Variants in CNBD1 observed in about 807,000 individuals in gnomAD.
CNBD1 encodes cyclic nucleotide-binding domain-containing protein 1.
In CNBD1, 71 loss-of-function variants were observed where a neutral mutation model predicts 54.4. That is an observed-to-expected ratio of 1.30 (90% CI 1.08 to 1.59). CNBD1 has a LOEUF of 1.59. CNBD1 is among the 40% of genes most tolerant of loss of function. CNBD1 has a pLI of 0.00. For missense variants in CNBD1, 659 were observed against 518.0 expected, an observed-to-expected ratio of 1.27 and a Z score of -2.64; for synonymous variants, 182 against 170.7, an observed-to-expected ratio of 1.07 and a Z score of -0.51.
In CNBD1 at chr8:87,050,556, G is replaced by T. The variant is rs183094296; in HGVS notation, c.431+110802G>T. Among the ~76,000 whole-genome samples the T allele has an allele frequency of 3.2e-3, 488 of 152,324 alleles. 1 individual carries two copies. The highest frequency in any genetic ancestry group is 4.6e-3 in the Admixed American group (71 of 15,304). On this transcript the variant is annotated intron_variant, in intron 4 of 10. Coordinates refer to ENST00000518476, the MANE Select transcript of CNBD1 (RefSeq NM_173538.3). ...AGAATCCTTGAGGCAGCACTGTCCA[G>T]GTTAGTTGGGCAGTCTGGCCAGAGG...
Position 87,206,680 on chromosome 8 carries a change from C to A in CNBD1, c.577+542C>A, listed in dbSNP as rs74622981. On this transcript the variant is annotated intron_variant, in intron 5 of 10. Coordinates refer to ENST00000518476, the MANE Select transcript of CNBD1 (RefSeq NM_173538.3). ...ATTTCCCAATTTTAGCTTTTGGTCC[C>A]TTCATGAAGGATTTAGTGGATATAT... is the stretch of plus-strand genomic sequence containing the variant. 5.1e-3 allele frequency among the ~76,000 whole-genome samples: 774 copies of A among 152,192 alleles called. 5 individuals are homozygous for A. Among genetic ancestry groups the A allele is most frequent in the African/African-American group, 0.017 (706 of 41,544 alleles).
At chr8:86,956,957 G>T (rs548011698) in intron 4 of CNBD1, among the ~76,000 whole-genome samples, 18 of 152,272 alleles carry the variant, frequency 1.2e-4, no homozygotes, top group Admixed American at 9.2e-4. Context: ...TATGATATTG[G>T]CTGTGGGTCT....
At chr8:87,021,990 G>A (rs1248851744) in intron 4 of CNBD1, among the ~76,000 whole-genome samples, 2 of 152,144 alleles carry the variant, frequency 1.3e-5, no homozygotes, top group African/African-American at 4.8e-5. Flanking sequence ...AGAAATGACA[G>A]TAACAGATAG....
intron 4 of CNBD1, among the ~76,000 whole-genome samples, chr8:87,013,608 T>G (rs1339037579): frequency 1.3e-5 from 2 of 151,848 alleles, no homozygotes; most frequent in African/African-American, 4.8e-5. Flanking sequence ...ACAGTTTTTT[T>G]TTCTTTGTTT....
intron 2 of CNBD1, among the ~76,000 whole-genome samples, chr8:87,420,731 A>T (rs1487374888): frequency 6.6e-6 from 1 of 151,200 alleles, no homozygotes; most frequent in African/African-American, 2.4e-5. Flanking sequence ...TGTTTTACCT[A>T]CATGTTACTT....
At chr8:87,412,748 C>T (rs537081212) in intron 2 of CNBD1, among the ~76,000 whole-genome samples, 191 of 151,958 alleles carry the variant, frequency 1.3e-3, no homozygotes, top group Non-Finnish European at 2.2e-3. Context: ...TGTACTTTTC[C>T]GAAGAAGATT....
At chr8:87,026,584 A>T (rs1563439887) in intron 4 of CNBD1, among the ~76,000 whole-genome samples, 1 of 152,158 alleles carries the variant, frequency 6.6e-6, no homozygotes, top group Non-Finnish European at 1.5e-5. Context: ...TTTTTAAAAA[A>T]TAACTAGTCA....
At chr8:86,935,017 G>A (rs4535752) in intron 3 of CNBD1, among the ~76,000 whole-genome samples, 18,176 of 65,634 alleles carry the variant, frequency 0.28, 2,371 homozygotes, top group African/African-American at 0.48. Flanking sequence ...TTGTTTGTTT[G>A]TTTATTTATT....
chr8:87,273,252 G>A (rs7826063), intron 6 of CNBD1, among the ~76,000 whole-genome samples: 42,706 of 151,636 alleles, frequency 0.28, 6,462 homozygotes, highest in African/African-American at 0.39. Flanking sequence ...ATATCTGGTT[G>A]AATTAAATAT....
At chr8:87,421,427 C>T (rs1261467438) in intron 2 of CNBD1, among the ~76,000 whole-genome samples, 1 of 115,966 alleles carries the variant, frequency 8.6e-6, no homozygotes, top group Non-Finnish European at 1.8e-5. Flanking sequence ...CTCCCCCCCT[C>T]CCCCCACCCC....
At chr8:87,022,020 A>G (rs1328816726) in intron 4 of CNBD1, among the ~76,000 whole-genome samples, 2 of 152,226 alleles carry the variant, frequency 1.3e-5, no homozygotes, top group Non-Finnish European at 2.9e-5. Flanking sequence ...TTGTGCATGT[A>G]AATAGCATAC....
chr8:87,001,516 G>T (rs1586190784), intron 4 of CNBD1, among the ~76,000 whole-genome samples: 1 of 152,034 alleles, frequency 6.6e-6, no homozygotes, highest in Non-Finnish European at 1.5e-5. Context: ...GTGACTTTTT[G>T]GTCTTTTTAC....
At chr8:87,406,943 G>A (rs1284684810) in intron 2 of CNBD1, among the ~76,000 whole-genome samples, 2 of 152,038 alleles carry the variant, frequency 1.3e-5, no homozygotes, top group African/African-American at 4.8e-5. Flanking sequence ...AATTTACTCT[G>A]GAGGAAGTTA....
rs543900718 is a variant in CNBD1 at position 87,002,239 on chromosome 8, G to A, written c.431+62485G>A. Among the ~76,000 whole-genome samples, 4 of 152,204 alleles carry A rather than the reference G, an allele frequency of 2.6e-5. No individual in the cohort carries two copies. The East Asian group carries it at 7.8e-4, about 30-fold the overall frequency. On this transcript the variant is annotated intron_variant, in intron 4 of 10. Coordinates refer to ENST00000518476, the MANE Select transcript of CNBD1 (RefSeq NM_173538.3). ...ACCTCCACTGACAAAAATTTGGGCA[G>A]GGTCACCAGCATCTCTCTCATACTT...
intron 5 of CNBD1, among the ~76,000 whole-genome samples, chr8:87,219,353 T>A (rs543866982): frequency 1.4e-4 from 21 of 152,136 alleles, no homozygotes; most frequent in Middle Eastern, 6.8e-3. Flanking sequence ...CAGACTCTCA[T>A]CAGCACATAG....
intron 6 of CNBD1, among the ~76,000 whole-genome samples, chr8:87,268,420 C>T (rs934036418): frequency 2.6e-5 from 4 of 151,964 alleles, no homozygotes; most frequent in African/African-American, 9.7e-5. Context: ...CATATGAGTA[C>T]ATGTGTCTTT....
At chr8:87,392,615 C>A (rs1811330292) in intron 2 of CNBD1, among the ~76,000 whole-genome samples, 1 of 151,910 alleles carries the variant, frequency 6.6e-6, no homozygotes, top group Non-Finnish European at 1.5e-5. Flanking sequence ...AAATCTGTAT[C>A]AGAAAGTCGA....
At chr8:87,032,226 A>G (rs918530063) in intron 4 of CNBD1, among the ~76,000 whole-genome samples, 9 of 152,174 alleles carry the variant, frequency 5.9e-5, no homozygotes, top group African/African-American at 1.9e-4. Flanking sequence ...CCCTTGAACA[A>G]TGTGGGGGGT....
At chr8:87,301,050 A>T (rs183534954) in intron 8 of CNBD1, among the ~76,000 whole-genome samples, 183 of 152,264 alleles carry the variant, frequency 1.2e-3, no homozygotes, top group Non-Finnish European at 2.3e-3. Context: ...ACAGAAGATC[A>T]CTCAAGGCTA....
Sources: gnomAD v4.1 joint callset for allele counts (sites outside exome capture counted in the v4.1 genomes callset) on GRCh38, gnomAD v4.1.1 for gene constraint, MANE v1.5 for transcripts, NCBI Gene and HGNC (gene_info 2026-07-23, HGNC 2026-07-21) for gene names.